Variants in DLGAP2 observed in about 807,000 individuals in gnomAD.
DLGAP2 encodes DLG associated protein 2.
Under a neutral mutation model 100.3 loss-of-function variants are expected in DLGAP2, and 26 were observed. The ratio of observed to expected loss-of-function variants is 0.26; its 90% CI spans 0.19 to 0.36. DLGAP2 has a LOEUF of 0.36. Among genes scored for constraint, DLGAP2 ranks in the 10% least tolerant of loss-of-function variants. The pLI, the probability that DLGAP2 is intolerant of heterozygous loss-of-function variation, is 1.00. For synonymous variants in DLGAP2, 886 were observed against 630.1 expected (o/e 1.41, Z -6.08); for missense variants, 1,858 against 1,453.2 (o/e 1.28, Z -4.53).
At chr8:1,186,471 C>T (rs886735410) in intron 2 of DLGAP2, among the ~76,000 whole-genome samples, 2 of 152,210 alleles carry the variant, frequency 1.3e-5, no homozygotes, top group Non-Finnish European at 2.9e-5. Flanking sequence ...CGCCCTAAGC[C>T]AGCGAGTACC....
chr8:1,418,503 G>T (rs1467821334), intron 3 of DLGAP2, among the ~76,000 whole-genome samples: 1 of 152,078 alleles, frequency 6.6e-6, no homozygotes, highest in African/African-American at 2.4e-5. Flanking sequence ...CCAAACCCAC[G>T]ATTTATGTCT....
At chr8:1,641,834 G>A (rs1306428965) in intron 8 of DLGAP2, among the ~76,000 whole-genome samples, 1 of 152,042 alleles carries the variant, frequency 6.6e-6, no homozygotes, top group African/African-American at 2.4e-5. Context: ...CAGATATTGT[G>A]GAGATGGAAG....
intron 2 of DLGAP2, among the ~76,000 whole-genome samples, chr8:1,154,749 T>C (rs1869033): frequency 0.86 from 131,343 of 152,058 alleles, 56,778 homozygotes; most frequent in Non-Finnish European, 0.88. Flanking sequence ...TTCCAGTCCT[T>C]ACTGTGGCCG....
chr8:1,274,957 T>A (rs917894596), intron 3 of DLGAP2, among the ~76,000 whole-genome samples: 6 of 152,150 alleles, frequency 3.9e-5, no homozygotes, highest in Non-Finnish European at 8.8e-5. Flanking sequence ...GAGTGAGTGT[T>A]CACTGCCTGC....
intron 8 of DLGAP2, among the ~76,000 whole-genome samples, chr8:1,665,978 A>G (rs1798534657): frequency 1.3e-5 from 2 of 152,180 alleles, no homozygotes; most frequent in African/African-American, 4.8e-5. Context: ...GCTGTGAAAC[A>G]CTGCCAGGAA....
At chr8:881,239 A>G (rs1286011976) in intron 1 of DLGAP2, among the ~76,000 whole-genome samples, 1 of 152,238 alleles carries the variant, frequency 6.6e-6, no homozygotes, top group Non-Finnish European at 1.5e-5. Context: ...CATTTGAGCT[A>G]TAAAACTCTC....
At chr8:1,604,359 CT>C (rs1796725435) in intron 6 of DLGAP2, among the ~76,000 whole-genome samples, 10 of 152,150 alleles carry the variant, frequency 6.6e-5, no homozygotes, top group African/African-American at 2.4e-4. Flanking sequence ...TAAACAGTAC[CT>C]CAGTGGGGCA....
At chr8:1,584,905 C>G (rs1294584778) in intron 6 of DLGAP2, among the ~76,000 whole-genome samples, 1 of 152,124 alleles carries the variant, frequency 6.6e-6, no homozygotes, top group Non-Finnish European at 1.5e-5. Context: ...TTTCTTTCTT[C>G]TTGTGCATAC....
intron 6 of DLGAP2, among the ~76,000 whole-genome samples, chr8:1,573,949 T>C (rs574173906): frequency 3.9e-5 from 6 of 152,176 alleles, no homozygotes; most frequent in African/African-American, 1.2e-4. Context: ...AACTTACAAG[T>C]GTAAAGTGAG....
chr8:1,184,751 A>G (rs574823400), intron 2 of DLGAP2, among the ~76,000 whole-genome samples: 2 of 152,194 alleles, frequency 1.3e-5, no homozygotes, highest in South Asian at 4.2e-4. Flanking sequence ...GGCCACCGGG[A>G]GGCAAGCATG....
intron 1 of DLGAP2, among the ~76,000 whole-genome samples, chr8:796,614 A>G (rs1796042020): frequency 6.6e-6 from 1 of 152,144 alleles, no homozygotes; most frequent in Non-Finnish European, 1.5e-5. Context: ...AGAGCCTAGC[A>G]GTGCGTCCCT....
chr8:1,450,723 C>A (rs1333042307), intron 3 of DLGAP2, among the ~76,000 whole-genome samples: 1 of 152,100 alleles, frequency 6.6e-6, no homozygotes, highest in South Asian at 2.1e-4. Flanking sequence ...AGGAGGGGGC[C>A]AAGCGACAGG....
intron 2 of DLGAP2, among the ~76,000 whole-genome samples, chr8:1,215,768 G>C (rs1798199571): frequency 8.5e-6 from 1 of 117,194 alleles, no homozygotes; most frequent in Non-Finnish European, 1.7e-5. Context: ...GTTCATTTGG[G>C]TGCATCACCT....
Position 760,494 on chromosome 8 carries a change from A to G in DLGAP2, c.18+22669A>G, listed in dbSNP as rs189058638. 5.9e-5 allele frequency among the ~76,000 whole-genome samples: 9 copies of G among 152,216 alleles called. No homozygotes were observed. The East Asian group carries it at 1.7e-3, about 29-fold the overall frequency. ...CTTGCCTGTCCAAAACTCTACCCTC[A>G]TATATTTGAAAGTTTGGTTGGGTAT... On this transcript the variant is annotated intron_variant, in intron 1 of 14. Transcript: ENST00000637795.
At chr8:1,500,174 C>T (rs953135903) in intron 3 of DLGAP2, among the ~76,000 whole-genome samples, 1 of 152,238 alleles carries the variant, frequency 6.6e-6, no homozygotes, top group African/African-American at 2.4e-5. Flanking sequence ...CCATAAATAA[C>T]ATGTTTACAT....
At chr8:1,381,256 T>G (rs1019956130) in intron 3 of DLGAP2, 1 of 152,154 alleles carries the variant, frequency 6.6e-6, no homozygotes, top group Non-Finnish European at 1.5e-5. Context: ...TGTGTGCCCA[T>G]GAAAACAAGA....
chr8:1,310,869 G>T (rs1375613703), intron 3 of DLGAP2, among the ~76,000 whole-genome samples: 1 of 152,052 alleles, frequency 6.6e-6, no homozygotes, highest in Non-Finnish European at 1.5e-5. Context: ...TTAATAACAG[G>T]AGGAAAACTG....
At chr8:1,226,847 A>G (rs1255395450) in intron 2 of DLGAP2, among the ~76,000 whole-genome samples, 1 of 152,126 alleles carries the variant, frequency 6.6e-6, no homozygotes, top group East Asian at 1.9e-4. Context: ...TAGCATAGCT[A>G]TGAAAAGAGA....
intron 2 of DLGAP2, among the ~76,000 whole-genome samples, chr8:1,166,745 T>G (rs1462401004): frequency 2.6e-5 from 4 of 152,170 alleles, no homozygotes. Context: ...CTCAATAAAT[T>G]ATACAATTAT....
Sources: allele counts gnomAD v4.1 joint callset (sites outside exome capture counted in the v4.1 genomes callset), GRCh38; gene constraint gnomAD v4.1.1; transcripts MANE v1.5; gene names NCBI Gene and HGNC (gene_info 2026-07-23, HGNC 2026-07-21).